Variants in GULP1 observed in about 807,000 individuals in gnomAD.
The protein encoded by GULP1 is PTB domain-containing engulfment adapter protein 1.
GULP1 carries 19 observed loss-of-function variants against 40.9 expected under a neutral mutation model. The observed-to-expected ratio is 0.46, with a 90% CI of 0.32 to 0.68. The LOEUF is 0.68. Among genes scored for constraint, GULP1 ranks in the 30% least tolerant of loss-of-function variants. The probability of loss-of-function intolerance (pLI) is 0.03; values close to 1 mark genes in which losing one functional copy is unlikely to be tolerated. For synonymous variants in GULP1, 119 were observed against 117.6 expected, an observed-to-expected ratio of 1.01 and a Z score of -0.08; for missense variants, 312 against 362.2, an observed-to-expected ratio of 0.86 and a Z score of 1.12.
chr2:188,545,137 T>C (rs911640570), intron 7 of GULP1, among the ~76,000 whole-genome samples: 5 of 151,884 alleles, frequency 3.3e-5, no homozygotes, highest in Non-Finnish European at 7.4e-5. Context: ...TCCAGAAACA[T>C]ATTCTTCAGA....
At chr2:188,344,562 A>T (rs577397943) in intron 1 of GULP1, among the ~76,000 whole-genome samples, 3 of 152,350 alleles carry the variant, frequency 2.0e-5, no homozygotes, top group African/African-American at 7.2e-5. Context: ...TATTTGCTTT[A>T]TGGGCTTGAG....
intron 2 of GULP1, among the ~76,000 whole-genome samples, chr2:188,438,834 AT>A (rs1264871465): frequency 6.6e-6 from 1 of 152,000 alleles, no homozygotes; most frequent in Non-Finnish European, 1.5e-5. Context: ...AATGCTTAAT[AT>A]TATTGATTTG....
Position 188,325,017 on chromosome 2 carries a change from A to G in GULP1, c.-172+32851A>G, listed in dbSNP as rs2040546898. 2.6e-5 allele frequency among the ~76,000 whole-genome samples: 4 copies of G among 152,108 alleles called. 1 individual carries two copies. The South Asian group carries it at 8.3e-4, about 31-fold the overall frequency. On this transcript the variant is annotated intron_variant, in intron 1 of 11. Transcript: ENST00000409830. ...ATGAGTGCAAAATAAAGATATTTTC[A>G]GACACATACACACACACCCACACCC...
intron 7 of GULP1, among the ~76,000 whole-genome samples, chr2:188,566,409 A>G (rs1697670450): frequency 6.6e-6 from 1 of 152,164 alleles, no homozygotes; most frequent in African/African-American, 2.4e-5. Context: ...GGTTTTTTAA[A>G]GTTATTAATA....
rs1190135106 is a variant in GULP1, at chr2:188,418,805, T to C, written c.-45+34916T>C. Among the ~76,000 whole-genome samples, 4 of 152,342 alleles carry C rather than the reference T, an allele frequency of 2.6e-5. No homozygotes were observed. In the South Asian group the frequency reaches 8.3e-4, roughly 32 times the overall value. ...ATTATTGTTGACTATAGCTACAATG[T>C]TGTACAGCAGATATCTAAAGTTTAT... is the stretch of plus-strand genomic sequence containing the variant. On this transcript the variant is annotated intron_variant, in intron 2 of 11. Transcript: ENST00000409830.
At chr2:188,566,920 C>T (rs1459022622) in intron 7 of GULP1, among the ~76,000 whole-genome samples, 1 of 147,974 alleles carries the variant, frequency 6.8e-6, no homozygotes, top group Non-Finnish European at 1.5e-5. Context: ...TTGCAAGGAA[C>T]TTAAACTTAT....
At chr2:188,537,046 T>C (rs923861334) in intron 6 of GULP1, among the ~76,000 whole-genome samples, 2 of 152,170 alleles carry the variant, frequency 1.3e-5, no homozygotes, top group Non-Finnish European at 2.9e-5. Flanking sequence ...TCTCGAAACT[T>C]TACTGAAGTT....
chr2:188,324,214 CT>C (rs1178444399), intron 1 of GULP1, among the ~76,000 whole-genome samples: 1 of 152,030 alleles, frequency 6.6e-6, no homozygotes, highest in Non-Finnish European at 1.5e-5. Context: ...ACAGAGATGT[CT>C]GTGATTACTC....
intron 2 of GULP1, among the ~76,000 whole-genome samples, chr2:188,434,862 C>CT (rs2057256812): frequency 6.6e-6 from 1 of 151,698 alleles, no homozygotes; most frequent in East Asian, 1.9e-4. Context: ...GCTTTCATTG[C>CT]TTGTAGGGAT....
chr2:188,518,437 A>G (rs1289043871), intron 4 of GULP1, among the ~76,000 whole-genome samples: 2 of 152,136 alleles, frequency 1.3e-5, no homozygotes, highest in African/African-American at 4.8e-5. Context: ...TGGAGTTACA[A>G]AACTTGACTT....
intron 1 of GULP1, among the ~76,000 whole-genome samples, chr2:188,347,187 A>G (rs2043797019): frequency 6.6e-6 from 1 of 152,164 alleles, no homozygotes; most frequent in Non-Finnish European, 1.5e-5. Flanking sequence ...CATAGTGTTA[A>G]GAAATTTACT....
At position 188,376,736 on chromosome 2, in the gene GULP1, G is replaced by T. The variant is rs554491054; in HGVS notation, c.-171-7027G>T. On this transcript the variant is annotated intron_variant, in intron 1 of 11. Transcript: ENST00000409830. The stretch of plus-strand genomic sequence containing the variant: ...AAAAAGATAATTGCTGGGAAGTGTG[G>T]TTTAAATTCAGCATTGTCATATGCT... Among the ~76,000 whole-genome samples the T allele has an allele frequency of 1.5e-4, 23 of 152,318 alleles. No individual in the cohort carries two copies. The South Asian group carries it at 4.6e-3, about 30-fold the overall frequency.
At chr2:188,404,812 C>A (rs1349567085) in intron 2 of GULP1, among the ~76,000 whole-genome samples, 1 of 151,776 alleles carries the variant, frequency 6.6e-6, no homozygotes, top group Non-Finnish European at 1.5e-5. Flanking sequence ...GCAGGCCCAC[C>A]CTAGGTTCCA....
At chr2:188,427,035 G>T (rs1286943022) in intron 2 of GULP1, among the ~76,000 whole-genome samples, 1 of 152,132 alleles carries the variant, frequency 6.6e-6, no homozygotes, top group East Asian at 1.9e-4. Flanking sequence ...GAAAGAGCTT[G>T]GTTGCATTTT....
chr2:188,527,795 A>G (rs1176179539), intron 5 of GULP1, among the ~76,000 whole-genome samples: 1 of 152,184 alleles, frequency 6.6e-6, no homozygotes, highest in African/African-American at 2.4e-5. Flanking sequence ...TGGCAGTGCA[A>G]AGCCATGAAA....
chr2:188,352,616 T>TCA (rs1179352194), intron 1 of GULP1, among the ~76,000 whole-genome samples: 2 of 75,958 alleles, frequency 2.6e-5, no homozygotes, highest in Non-Finnish European at 5.3e-5. Context: ...TCTCTCTCTC[T>TCA]CTCACACACA....
At chr2:188,501,821 T>A (rs182853216) in intron 4 of GULP1, among the ~76,000 whole-genome samples, 158 of 152,018 alleles carry the variant, frequency 1.0e-3, no homozygotes, top group East Asian at 3.1e-3. Context: ...TTCTAGCAAT[T>A]TATTCCTGAA....
At chr2:188,497,817 A>C (rs1346476720) in intron 4 of GULP1, among the ~76,000 whole-genome samples, 4 of 151,972 alleles carry the variant, frequency 2.6e-5, no homozygotes, top group African/African-American at 9.7e-5. Flanking sequence ...TATGGTATAC[A>C]AAAGAATACA....
At chr2:188,499,972 TA>T in intron 4 of GULP1, among the ~76,000 whole-genome samples, 1 of 151,792 alleles carries the variant, frequency 6.6e-6, no homozygotes, top group East Asian at 1.9e-4. Context: ...TAAAAAAATA[TA>T]TATTTAGTTC....
Sources: gnomAD v4.1 joint callset for allele counts (sites outside exome capture counted in the v4.1 genomes callset) on GRCh38, gnomAD v4.1.1 for gene constraint, MANE v1.5 for transcripts, NCBI Gene and HGNC (gene_info 2026-07-23, HGNC 2026-07-21) for gene names.